The following HSD17B4 variants were observed in gnomAD, a reference collection of about 807,000 sequenced individuals.
HSD17B4 encodes the protein hydroxysteroid 17-beta dehydrogenase 4.
A neutral mutation model predicts 101.0 loss-of-function variants in HSD17B4; 70 were observed. That is an observed-to-expected ratio of 0.69 (90% CI 0.57 to 0.85). The LOEUF (loss-of-function observed/expected upper bound fraction) is 0.85, where lower values mean the gene tolerates loss of function less well. Among genes scored for constraint, HSD17B4 ranks in the 40% least tolerant of loss-of-function variants. The pLI is 0.00. For missense variants in HSD17B4, 984 were observed against 892.4 expected (o/e 1.10, Z -1.31); for synonymous variants, 347 against 297.1 (o/e 1.17, Z -1.73).
chr5:119,462,902 A>C (rs188103701), intron 2 of HSD17B4, among the ~76,000 whole-genome samples: 37 of 152,236 alleles, frequency 2.4e-4, no homozygotes, highest in African/African-American at 8.4e-4. Flanking sequence ...AGTATAAATT[A>C]TTGTTGGCCA....
Position 119,529,951 on chromosome 5 carries a change from T to A in HSD17B4, c.1825T>A (p.Ser609Thr), listed in dbSNP as rs772370750. 6 of 1,609,420 alleles carry A rather than the reference T, an allele frequency of 3.7e-6. No homozygotes were observed. Among genetic ancestry groups the A allele is most frequent in the Non-Finnish European group, 4.3e-6 (5 of 1,176,222 alleles). The change falls in exon 21 of 24, where the codon TCT becomes ACT. Residue 609 changes from serine (S) to threonine (T), a missense_variant. By Grantham distance (58) the Ser-to-Thr change is moderately conservative. Coordinates refer to ENST00000510025, the MANE Select transcript of HSD17B4 (RefSeq NM_000414.4). Reference sequence around the variant, plus strand: ...TGCATATGTGGATCTTGCACCAACATCTGGTACTTCAGCTAAGACACCCTC... The same window carrying A: ...TGCATATGTGGATCTTGCACCAACAACTGGTACTTCAGCTAAGACACCCTC... ...SNAYVDLAPTSGTSAKTPSEG... is the reference protein window; with the variant it reads ...SNAYVDLAPTTGTSAKTPSEG...
intron 17 of HSD17B4, among the ~76,000 whole-genome samples, chr5:119,524,290 A>G (rs1753378914): frequency 6.6e-6 from 1 of 152,130 alleles, no homozygotes; most frequent in Non-Finnish European, 1.5e-5. Context: ...TTTCTTATGA[A>G]TTATAGAATA....
intron 23 of HSD17B4, among the ~76,000 whole-genome samples, chr5:119,539,353 G>A (rs574329289): frequency 2.0e-5 from 3 of 146,788 alleles, no homozygotes; most frequent in East Asian, 2.1e-4. Context: ...ACCAAACACC[G>A]CATGTTCTCA....
rs552583899 is a variant in HSD17B4 at position 119,484,336 on chromosome 5, A to G, written c.623-4856A>G. ...CAATCGACTGCTTACACCTGGGTCTATTTCTGGCTTCTCTGTTCTATTCCA... is the reference window on the plus strand; with the variant it reads ...CAATCGACTGCTTACACCTGGGTCTGTTTCTGGCTTCTCTGTTCTATTCCA... On this transcript the variant is annotated intron_variant, in intron 8 of 23. Transcript: ENST00000510025. 8.5e-5 allele frequency among the ~76,000 whole-genome samples: 13 copies of G among 152,226 alleles called. No homozygotes were observed. The East Asian group carries it at 1.4e-3, about 16-fold the overall frequency.
intron 2 of HSD17B4, among the ~76,000 whole-genome samples, chr5:119,463,457 A>G (rs1755467136): frequency 6.6e-6 from 1 of 150,554 alleles, no homozygotes; most frequent in Non-Finnish European, 1.5e-5. Flanking sequence ...TGGCTGTACT[A>G]ATTTACATTT....
intron 8 of HSD17B4, among the ~76,000 whole-genome samples, chr5:119,484,514 A>G (rs567882565): frequency 6.6e-6 from 1 of 152,268 alleles, no homozygotes; most frequent in Non-Finnish European, 1.5e-5. Flanking sequence ...CTTATGCAAT[A>G]TATATATAAT....
chr5:119,531,615 G>C (rs1431191887), intron 22 of HSD17B4, among the ~76,000 whole-genome samples: 2 of 151,132 alleles, frequency 1.3e-5, no homozygotes, highest in African/African-American at 4.9e-5. Context: ...GTGTGTAAGA[G>C]ATGTAGGGAA....
At chr5:119,530,408 C>G (rs1000623705) in intron 21 of HSD17B4, among the ~76,000 whole-genome samples, 1 of 152,006 alleles carries the variant, frequency 6.6e-6, no homozygotes, top group African/African-American at 2.4e-5. Flanking sequence ...TATTTATTAG[C>G]ATGCTGAGAC....
In HSD17B4 at chr5:119,491,461, CTTTT is replaced by C. The variant is rs11308278; in HGVS notation, c.715-624_715-621del. 3.0e-5 allele frequency among the ~76,000 whole-genome samples: 4 copies of C among 131,484 alleles called. 1 individual carries two copies. The highest frequency in any genetic ancestry group is 5.6e-5 in the African/African-American group (2 of 35,458). The allele number at this position is 131,484 out of a possible 152,430, so 86.3% of individuals were successfully genotyped here. ...TTTTCTTTACATCAGACTCATCAGA[CTTTT>C]TTTTTTTTTTTTTTAGGATTTTTCT... On this transcript the variant is annotated intron_variant, in intron 9 of 23. Transcript: ENST00000510025.
intron 14 of HSD17B4, among the ~76,000 whole-genome samples, chr5:119,504,814 A>G (rs1751500676): frequency 6.6e-6 from 1 of 152,140 alleles, no homozygotes; most frequent in Non-Finnish European, 1.5e-5. Flanking sequence ...TTAGCCATAA[A>G]TTATTTCCTA....
intron 8 of HSD17B4, among the ~76,000 whole-genome samples, chr5:119,479,260 C>G (rs777439034): frequency 2.2e-4 from 33 of 151,734 alleles, no homozygotes; most frequent in Non-Finnish European, 8.8e-5. Flanking sequence ...TCTGCATATT[C>G]ATAATTTTTT....
intron 14 of HSD17B4, among the ~76,000 whole-genome samples, chr5:119,504,107 G>T: frequency 6.6e-6 from 1 of 152,144 alleles, no homozygotes; most frequent in Non-Finnish European, 1.5e-5. Context: ...CGGAGCACAT[G>T]ATTTTGTTCT....
At position 119,525,269 on chromosome 5, in the gene HSD17B4, CTT is replaced by C. The variant is rs1347276274; in HGVS notation, c.1559_1560del (p.Phe520CysfsTer2). 2 of 1,609,312 alleles carry C rather than the reference CTT, an allele frequency of 1.2e-6. No homozygotes were observed. Among genetic ancestry groups the C allele is most frequent in the African/African-American group, 1.3e-5 (1 of 74,728 alleles). ...GGAATCCCTTACACATTGATCCTAA[CTT>C]TGCTAGTCTAGCAGGTGAGTTGTCT... The part of the protein sequence containing the change: ...DWNPLHIDPN[F>X]ASLAGFDKPI... On this transcript the variant is annotated frameshift_variant, in exon 18 of 24. Coordinates refer to ENST00000510025, the MANE Select transcript of HSD17B4 (RefSeq NM_000414.4). LOFTEE classifies it high-confidence loss of function.
At chr5:119,518,128 T>C (rs578148652) in intron 17 of HSD17B4, among the ~76,000 whole-genome samples, 1 of 152,158 alleles carries the variant, frequency 6.6e-6, no homozygotes, top group South Asian at 2.1e-4. Context: ...CTGTGGAAGC[T>C]TTGTTCTTTC....
At chr5:119,470,902 T>C (rs1220201337) in intron 2 of HSD17B4, among the ~76,000 whole-genome samples, 1 of 152,200 alleles carries the variant, frequency 6.6e-6, no homozygotes. Flanking sequence ...GTCAATTTAG[T>C]GGTCTCTAAT....
intron 16 of HSD17B4, among the ~76,000 whole-genome samples, chr5:119,509,825 G>A (rs1424755654): frequency 1.3e-5 from 2 of 152,322 alleles, no homozygotes; most frequent in South Asian, 2.1e-4. Flanking sequence ...GTGGCAGCCA[G>A]TGTAGAAAAC....
At chr5:119,498,689 A>C (rs569947668) in intron 12 of HSD17B4, among the ~76,000 whole-genome samples, 1 of 152,208 alleles carries the variant, frequency 6.6e-6, no homozygotes, top group Non-Finnish European at 1.5e-5. Context: ...CATCCTGGCC[A>C]ACATGGTGAA....
intron 23 of HSD17B4, among the ~76,000 whole-genome samples, chr5:119,541,470 T>C (rs938520016): frequency 1.3e-5 from 2 of 152,244 alleles, no homozygotes; most frequent in Non-Finnish European, 2.9e-5. Flanking sequence ...CATTGTGTTA[T>C]ATTCTCTAAT....
chr5:119,527,055 T>C, intron 19 of HSD17B4, 78 bp from the exon 20 acceptor site: 1 of 831,134 alleles, frequency 1.2e-6, no homozygotes, highest in South Asian at 1.4e-5. Flanking sequence ...CTCTCTAGTT[T>C]CCTTTCCAAT....
Sources: allele counts gnomAD v4.1 joint callset (sites outside exome capture counted in the v4.1 genomes callset), GRCh38; gene constraint gnomAD v4.1.1; transcripts MANE v1.5; gene names NCBI Gene and HGNC (gene_info 2026-07-23, HGNC 2026-07-21).